RGS6: variants seen among roughly 807,000 people sequenced by gnomAD.
The protein encoded by RGS6 is regulator of G-protein signaling 6.
Under a neutral mutation model 78.5 loss-of-function variants are expected in RGS6, and 30 were observed. The observed-to-expected ratio is 0.38, with a 90% CI of 0.29 to 0.52. The LOEUF is 0.52. RGS6 is among the 20% of genes least tolerant of loss of function. The pLI is 0.85. For missense variants in RGS6, 495 were observed against 609.7 expected, an observed-to-expected ratio of 0.81 and a Z score of 1.98; for synonymous variants, 206 against 206.0, an observed-to-expected ratio of 1.00 and a Z score of 0.00.
rs768223031 is a variant in RGS6, at chr14:72,349,145, T to C, written c.85-2950T>C. On this transcript the variant is annotated intron_variant, in intron 2 of 17. Coordinates refer to ENST00000553525, the MANE Select transcript of RGS6 (RefSeq NM_001204424.2). ...TCACGCCACTGCACTCCAGCCTGGGTGAAGAGTGAGACTCCGTCTCAAAAA... is the reference window on the plus strand; with the variant it reads ...TCACGCCACTGCACTCCAGCCTGGGCGAAGAGTGAGACTCCGTCTCAAAAA... Among the ~76,000 whole-genome samples the C allele has an allele frequency of 1.4e-3, 218 of 152,186 alleles. 2 individuals carry two copies. Among genetic ancestry groups the C allele is most frequent in the Non-Finnish European group, 7.1e-4 (48 of 68,012 alleles).
chr14:72,560,559 TG>T (rs57345381), intron 17 of RGS6, among the ~76,000 whole-genome samples: 3,698 of 152,196 alleles, frequency 0.024, 164 homozygotes, highest in African/African-American at 0.085. Flanking sequence ...AACCCGGGGC[TG>T]GGGGGAGCCC....
intron 17 of RGS6, among the ~76,000 whole-genome samples, chr14:72,555,098 C>T (rs2097553412): frequency 6.6e-6 from 1 of 152,190 alleles, no homozygotes; most frequent in South Asian, 2.1e-4. Flanking sequence ...GGCACTTGGC[C>T]TAGAATGATT....
At chr14:72,043,879 C>T (rs1011668617) in intron 2 of RGS6, among the ~76,000 whole-genome samples, 2 of 152,136 alleles carry the variant, frequency 1.3e-5, no homozygotes, top group Middle Eastern at 3.2e-3. Context: ...TGCAATTATT[C>T]CACAGTTCTT....
the RGS6 span, among the ~76,000 whole-genome samples, chr14:71,906,622 A>G: frequency 6.6e-6 from 1 of 152,184 alleles, no homozygotes; most frequent in Admixed American, 6.5e-5. Flanking sequence ...CCTCCATGAT[A>G]CAGGAGAGTG....
chr14:72,620,742 G>A, the RGS6 span, among the ~76,000 whole-genome samples: 2 of 152,216 alleles, frequency 1.3e-5, no homozygotes, highest in Non-Finnish European at 2.9e-5. Flanking sequence ...TCAACTGGAA[G>A]TTGTCTCTTC....
At chr14:71,892,656 T>A in the RGS6 span, among the ~76,000 whole-genome samples, 1 of 152,234 alleles carries the variant, frequency 6.6e-6, no homozygotes, top group Non-Finnish European at 1.5e-5. Flanking sequence ...CTACTTAAAC[T>A]GTTATCCTGA....
intron 17 of RGS6, among the ~76,000 whole-genome samples, chr14:72,549,009 G>A (rs909192645): frequency 1.3e-5 from 2 of 152,160 alleles, no homozygotes; most frequent in African/African-American, 4.8e-5. Context: ...CCAAATACTT[G>A]TTAAATGGAT....
At chr14:72,165,083 T>C (rs1339008074) in intron 2 of RGS6, among the ~76,000 whole-genome samples, 1 of 152,182 alleles carries the variant, frequency 6.6e-6, no homozygotes, top group East Asian at 1.9e-4. Flanking sequence ...GCTGATACTT[T>C]GGGAATTCCA....
upstream of RGS6, among the ~76,000 whole-genome samples, chr14:71,928,993 T>G (rs2087761291): frequency 6.6e-6 from 1 of 152,244 alleles, no homozygotes; most frequent in Non-Finnish European, 1.5e-5. Context: ...CCTTTCATTT[T>G]GAAATAATGT....
downstream of RGS6, among the ~76,000 whole-genome samples, chr14:72,568,313 A>T (rs114755479): frequency 7.8e-3 from 1,184 of 152,316 alleles, 12 homozygotes; most frequent in African/African-American, 0.027. Context: ...GGCCTGACAC[A>T]TGGTAAATGT....
Position 71,960,699 on chromosome 14 carries a change from A to G in RGS6, c.-20-4073A>G, listed in dbSNP as rs2093126539. On this transcript the variant is annotated intron_variant, in intron 1 of 17. Transcript: ENST00000553525. Reference sequence around the variant, plus strand: ...CACTCTCCACACTTGGCTGTCTCCCACTTAATCTTTCTGGGATCAGATTAT... The same window carrying G: ...CACTCTCCACACTTGGCTGTCTCCCGCTTAATCTTTCTGGGATCAGATTAT... 2.6e-5 allele frequency among the ~76,000 whole-genome samples: 4 copies of G among 152,130 alleles called. No individual in the cohort carries two copies. In the South Asian group the frequency reaches 8.3e-4, roughly 32 times the overall value.
Position 72,254,644 on chromosome 14 carries a change from C to A in RGS6, c.85-97451C>A, listed in dbSNP as rs372847904. On this transcript the variant is annotated intron_variant, in intron 2 of 17. Transcript: ENST00000553525. ...TCACCACTGATATTTCTAGAAAGTT[C>A]CTATTCACAGGGGACTCTTTTCTCC... Among the ~76,000 whole-genome samples, 122 of 152,250 alleles carry A rather than the reference C, an allele frequency of 8.0e-4. 3 individuals are homozygous for A. The South Asian group carries it at 0.025, about 31-fold the overall frequency.
At chr14:72,281,799 T>C (rs934025263) in intron 2 of RGS6, among the ~76,000 whole-genome samples, 1 of 152,162 alleles carries the variant, frequency 6.6e-6, no homozygotes, top group African/African-American at 2.4e-5. Flanking sequence ...TGGAGGTTGC[T>C]GAGCAAATGG....
At chr14:72,176,098 C>T (rs1327295619) in intron 2 of RGS6, among the ~76,000 whole-genome samples, 2 of 152,130 alleles carry the variant, frequency 1.3e-5, no homozygotes, top group Non-Finnish European at 2.9e-5. Flanking sequence ...CATAGGTGGC[C>T]CTGAGTCCCT....
the RGS6 span, among the ~76,000 whole-genome samples, chr14:72,590,826 C>T: frequency 1.0e-2 from 1,518 of 152,250 alleles, 31 homozygotes; most frequent in African/African-American, 0.035. Context: ...AAAGACATAA[C>T]CACCAGAAGA....
intron 2 of RGS6, among the ~76,000 whole-genome samples, chr14:72,103,113 G>A (rs1330224719): frequency 6.6e-6 from 1 of 152,154 alleles, no homozygotes; most frequent in African/African-American, 2.4e-5. Context: ...TCATATAATG[G>A]TACCTGTCTC....
chr14:72,469,035 C>T lies in RGS6; in HGVS notation c.460-972C>T, dbSNP rs77570649. 2.6e-3 allele frequency among the ~76,000 whole-genome samples: 399 copies of T among 152,162 alleles called. 2 individuals carry two copies. Among genetic ancestry groups the T allele is most frequent in the African/African-American group, 9.3e-3 (384 of 41,492 alleles). On this transcript the variant is annotated intron_variant, in intron 7 of 17. Coordinates refer to ENST00000553525, the MANE Select transcript of RGS6 (RefSeq NM_001204424.2). ...ATCAGAATTAGGAGGATCATTAGGGCGCCTGTCAAACTCCCCTCCTCGCCG... is the reference window on the plus strand; with the variant it reads ...ATCAGAATTAGGAGGATCATTAGGGTGCCTGTCAAACTCCCCTCCTCGCCG...
Position 72,478,412 on chromosome 14 carries a change from T to C in RGS6, c.854+83T>C, listed in dbSNP as rs530816334. ...TACAGGGTTATGGTTAACGAATGTG[T>C]TCAATGCCAAGAGTTAGACTGTAGT... is the stretch of plus-strand genomic sequence containing the variant. On this transcript the variant is annotated intron_variant, in intron 12 of 17. Coordinates refer to ENST00000553525, the MANE Select transcript of RGS6 (RefSeq NM_001204424.2). 349 of 991,484 alleles carry C rather than the reference T, an allele frequency of 3.5e-4. 1 individual carries two copies. Among genetic ancestry groups the C allele is most frequent in the Admixed American group, 6.4e-4 (32 of 49,742 alleles). The allele number at this position is 991,484 out of a possible 1,614,324, so 61.4% of individuals were successfully genotyped here. A position where few individuals can be genotyped will look rare whatever the true frequency, so the allele number is the denominator to read the frequency against.
At chr14:72,007,055 C>T (rs1205979499) in intron 2 of RGS6, among the ~76,000 whole-genome samples, 1 of 152,028 alleles carries the variant, frequency 6.6e-6, no homozygotes, top group African/African-American at 2.4e-5. Context: ...ATTAACAACA[C>T]TGTCACCTGC....
Sources: gnomAD v4.1 joint callset for allele counts (sites outside exome capture counted in the v4.1 genomes callset) on GRCh38, gnomAD v4.1.1 for gene constraint, MANE v1.5 for transcripts, NCBI Gene and HGNC (gene_info 2026-07-23, HGNC 2026-07-21) for gene names.